CBLB: variants seen among roughly 807,000 people sequenced by gnomAD.
The protein encoded by CBLB is E3 ubiquitin-protein ligase CBL-B.
Under a neutral mutation model 104.9 loss-of-function variants are expected in CBLB, and 31 were observed. That is an observed-to-expected ratio of 0.30 (90% CI 0.22 to 0.40). The LOEUF is 0.40. Ranked by LOEUF, CBLB falls within the 10% of genes least tolerant of loss-of-function variation. The pLI, the probability that CBLB is intolerant of heterozygous loss-of-function variation, is 1.00. For missense variants in CBLB, 1,062 were observed against 1,214.6 expected (o/e 0.87, Z 1.87); for synonymous variants, 440 against 422.6 (o/e 1.04, Z -0.51).
At chr3:105,751,705 A>C in intron 4 of CBLB, 87 bp from the exon 5 acceptor site, 1 of 932,634 alleles carries the variant, frequency 1.1e-6, no homozygotes. Context: ...TTCAATAATA[A>C]AATTAATATA....
At chr3:105,806,266 T>C (rs9838755) in intron 3 of CBLB, among the ~76,000 whole-genome samples, 26,992 of 152,038 alleles carry the variant, frequency 0.18, 2,812 homozygotes, top group Admixed American at 0.28. Context: ...ATGTGTTGAA[T>C]TAATGCATAA....
Position 105,656,920 on chromosome 3 carries a change from C to T in CBLB, c.*2050G>A. 4.7e-6 allele frequency: 1 copy of T among 214,680 alleles called. No individual in the cohort carries two copies. The highest frequency in any genetic ancestry group is 9.4e-6 in the Non-Finnish European group (1 of 106,378). The allele number at this position is 214,680 out of a possible 1,614,324, so 13.3% of individuals were successfully genotyped here. ...TAAAACAAGTGAAAAATCATAATGA[C>T]AAAACAGGGGTTCATAAAGCAAAAG... is the stretch of plus-strand genomic sequence containing the variant. On this transcript the variant is annotated 3_prime_UTR_variant, in exon 19 of 19. Transcript: ENST00000394030.
chr3:105,869,169 C>T, upstream of CBLB: 1 of 585,140 alleles, frequency 1.7e-6, no homozygotes, highest in Non-Finnish European at 2.7e-6. Context: ...CGCTGCCGCC[C>T]CGTCCACGTC....
chr3:105,824,842 C>T (rs1345263286), intron 3 of CBLB, among the ~76,000 whole-genome samples: 1 of 152,032 alleles, frequency 6.6e-6, no homozygotes, highest in African/African-American at 2.4e-5. Flanking sequence ...CCTCATCATT[C>T]CACCTTCTCT....
chr3:105,836,310 T>C (rs913120020), intron 3 of CBLB, among the ~76,000 whole-genome samples: 2 of 152,222 alleles, frequency 1.3e-5, no homozygotes, highest in South Asian at 4.1e-4. Context: ...CAAAATAATT[T>C]AGCATAGTTA....
At chr3:105,785,830 C>T (rs554715315) in intron 3 of CBLB, among the ~76,000 whole-genome samples, 18 of 152,048 alleles carry the variant, frequency 1.2e-4, no homozygotes, top group African/African-American at 3.9e-4. Flanking sequence ...AAGATAAAAA[C>T]AAACACAAAT....
chr3:105,805,386 C>T (rs1462776674), intron 3 of CBLB, among the ~76,000 whole-genome samples: 1 of 151,294 alleles, frequency 6.6e-6, no homozygotes, highest in African/African-American at 2.4e-5. Flanking sequence ...CTCACTGCAA[C>T]CTCTGCCTTC....
chr3:105,744,457 GT>G (rs1214700988), intron 6 of CBLB, among the ~76,000 whole-genome samples: 1 of 152,122 alleles, frequency 6.6e-6, no homozygotes, highest in Non-Finnish European at 1.5e-5. Context: ...TTCTCTCATG[GT>G]TACAATGAGA....
chr3:105,809,055 AC>A lies in CBLB; in HGVS notation c.420-32514del, dbSNP rs570111357. Among the ~76,000 whole-genome samples, 304 of 152,328 alleles carry A rather than the reference AC, an allele frequency of 2.0e-3. 2 individuals are homozygous for A. Among genetic ancestry groups the A allele is most frequent in the African/African-American group, 7.1e-3 (295 of 41,566 alleles). ...TTATTGAGTTCAGCTACCTGCACGC[AC>A]CCATCTGGGCAACAGTGACACAGCA... is the stretch of plus-strand genomic sequence containing the variant. On this transcript the variant is annotated intron_variant, in intron 3 of 18. Coordinates refer to ENST00000394030, the MANE Select transcript of CBLB (RefSeq NM_170662.5).
At chr3:105,781,889 G>A (rs2152976988) in intron 3 of CBLB, among the ~76,000 whole-genome samples, 1 of 152,138 alleles carries the variant, frequency 6.6e-6, no homozygotes, top group East Asian at 1.9e-4. Flanking sequence ...ATTTTACAAG[G>A]TGAAACAAAC....
intron 3 of CBLB, among the ~76,000 whole-genome samples, chr3:105,845,401 T>C (rs2090114046): frequency 6.6e-6 from 1 of 150,518 alleles, no homozygotes; most frequent in South Asian, 2.1e-4. Flanking sequence ...AAAACTAAAC[T>C]AAATAAATGA....
At chr3:105,687,816 GA>G (rs146313223) in intron 13 of CBLB, among the ~76,000 whole-genome samples, 2,323 of 145,450 alleles carry the variant, frequency 0.016, 55 homozygotes, top group African/African-American at 0.05. Flanking sequence ...ATCCAGTTCT[GA>G]AAAAAAAAAC....
chr3:105,772,962 T>C (rs2079028863), intron 4 of CBLB, among the ~76,000 whole-genome samples: 1 of 152,138 alleles, frequency 6.6e-6, no homozygotes, highest in Non-Finnish European at 1.5e-5. Flanking sequence ...TAACAACCAC[T>C]ATGGAAAACA....
At chr3:105,666,940 A>G (rs549752418) in intron 18 of CBLB, among the ~76,000 whole-genome samples, 78 of 152,330 alleles carry the variant, frequency 5.1e-4, no homozygotes, top group African/African-American at 1.5e-3. Flanking sequence ...TTAAAGACAC[A>G]TAATCTACCT....
chr3:105,692,934 C>T (rs531244212), intron 13 of CBLB, among the ~76,000 whole-genome samples: 1 of 150,086 alleles, frequency 6.7e-6, no homozygotes, highest in Non-Finnish European at 1.5e-5. Context: ...TCTCATTTTA[C>T]TAGCCGTAAA....
chr3:105,783,125 A>G (rs1028520111), intron 3 of CBLB, among the ~76,000 whole-genome samples: 28 of 152,206 alleles, frequency 1.8e-4, no homozygotes, highest in African/African-American at 6.0e-4. Context: ...AGTATCTTAC[A>G]TATTGACGAG....
intron 3 of CBLB, among the ~76,000 whole-genome samples, chr3:105,823,102 A>AG (rs1321715188): frequency 6.6e-6 from 1 of 152,254 alleles, no homozygotes; most frequent in Non-Finnish European, 1.5e-5. Flanking sequence ...GACAGAGGAC[A>AG]GAAGGTTTAA....
intron 3 of CBLB, among the ~76,000 whole-genome samples, chr3:105,843,863 C>T (rs1275602234): frequency 6.6e-6 from 1 of 152,142 alleles, no homozygotes; most frequent in African/African-American, 2.4e-5. Context: ...CTTTCTTCCC[C>T]TCCTTAGTAT....
intron 13 of CBLB, among the ~76,000 whole-genome samples, chr3:105,689,361 T>C (rs986898128): frequency 1.3e-5 from 2 of 151,138 alleles, no homozygotes; most frequent in African/African-American, 4.8e-5. Context: ...AAATAGATAA[T>C]ACCACCTCCA....
Sources: gnomAD v4.1 joint callset for allele counts (sites outside exome capture counted in the v4.1 genomes callset) on GRCh38, gnomAD v4.1.1 for gene constraint, MANE v1.5 for transcripts, NCBI Gene and HGNC (gene_info 2026-07-23, HGNC 2026-07-21) for gene names.